The following FER1L6 variants were observed in gnomAD, a reference collection of about 807,000 sequenced individuals.
FER1L6 encodes the protein fer-1-like protein 6.
FER1L6 carries 177 observed loss-of-function variants against 219.2 expected under a neutral mutation model. That is an observed-to-expected ratio of 0.81 (90% CI 0.71 to 0.91). The LOEUF (loss-of-function observed/expected upper bound fraction) is 0.91. Among genes scored for constraint, FER1L6 ranks in the 40% least tolerant of loss-of-function variants. FER1L6 has a pLI of 0.00. For synonymous variants in FER1L6, 768 were observed against 824.3 expected (o/e 0.93, Z 1.17); for missense variants, 2,153 against 2,259.9 (o/e 0.95, Z 0.96).
intron 30 of FER1L6, 140 bp downstream of exon 30, chr8:124,070,738 T>C: frequency 1.4e-6 from 1 of 694,426 alleles, no homozygotes; most frequent in Non-Finnish European, 2.2e-6. Context: ...TCTCTAGAAC[T>C]CCACAAAACC....
At chr8:123,940,559 A>G (rs962640874) in intron 1 of FER1L6, among the ~76,000 whole-genome samples, 2 of 151,986 alleles carry the variant, frequency 1.3e-5, no homozygotes, top group African/African-American at 4.8e-5. Flanking sequence ...GCTGGTCTTG[A>G]CCTCCTGGCC....
chr8:124,023,702 C>A, intron 18 of FER1L6, 106 bp downstream of exon 18: 1 of 1,224,962 alleles, frequency 8.2e-7, no homozygotes, highest in Non-Finnish European at 1.1e-6. Context: ...CCAGTGCTTT[C>A]AAAGGTAGGA....
chr8:123,901,928 G>C lies in FER1L6; in HGVS notation c.-8+49743G>C, dbSNP rs1242977810. Among the ~76,000 whole-genome samples, 3 of 151,938 alleles carry C rather than the reference G, an allele frequency of 2.0e-5. No homozygotes were observed. In the East Asian group the frequency reaches 5.8e-4, roughly 29 times the overall value. ...GTAGAGATGGGGTTTCACCATGTTA[G>C]CCAGGAGGGTCTCAATCTCCAGACT... On this transcript the variant is annotated intron_variant, in intron 1 of 40. Transcript: ENST00000522917.
chr8:124,029,622 T>A (rs1179838988), intron 18 of FER1L6, among the ~76,000 whole-genome samples: 1 of 152,214 alleles, frequency 6.6e-6, no homozygotes, highest in Non-Finnish European at 1.5e-5. Context: ...GTTGTTTTTT[T>A]CTTGTAAATT....
intron 1 of FER1L6, among the ~76,000 whole-genome samples, chr8:123,867,139 T>C (rs989379667): frequency 1.3e-5 from 2 of 152,234 alleles, no homozygotes; most frequent in Non-Finnish European, 2.9e-5. Context: ...AAGTGTTGCC[T>C]AGACCAATGT....
chr8:124,099,773 C>T (rs1822474546), intron 37 of FER1L6, among the ~76,000 whole-genome samples: 1 of 152,098 alleles, frequency 6.6e-6, no homozygotes, highest in Non-Finnish European at 1.5e-5. Context: ...ATAACTAGCC[C>T]CTGCCTCTCT....
intron 18 of FER1L6, among the ~76,000 whole-genome samples, chr8:124,032,759 T>C (rs1028368368): frequency 6.6e-6 from 1 of 151,848 alleles, no homozygotes; most frequent in South Asian, 2.1e-4. Context: ...GGGAGGGGGA[T>C]AAAAAGAAAA....
intron 1 of FER1L6, among the ~76,000 whole-genome samples, chr8:123,857,875 G>A (rs1178969626): frequency 1.3e-5 from 2 of 152,210 alleles, no homozygotes; most frequent in Admixed American, 6.5e-5. Context: ...GTTCACGTCT[G>A]TTCTCAAGCT....
chr8:123,858,934 A>T (rs1170607591), intron 1 of FER1L6, among the ~76,000 whole-genome samples: 3 of 152,234 alleles, frequency 2.0e-5, no homozygotes, highest in African/African-American at 4.8e-5. Context: ...AAATGTTTTT[A>T]AAAAATTTTA....
At chr8:124,044,150 G>A (rs560100252) in intron 20 of FER1L6, among the ~76,000 whole-genome samples, 1 of 152,202 alleles carries the variant, frequency 6.6e-6, no homozygotes, top group African/African-American at 2.4e-5. Context: ...GTATTACGCT[G>A]TCAAGTGCAT....
rs1389921153 is a variant in FER1L6, at chr8:124,066,605, C to T, written c.3678+55C>T. The T allele has an allele frequency of 4.4e-6, 7 of 1,592,706 alleles. No individual in the cohort carries two copies. In the East Asian group the frequency reaches 6.7e-5, roughly 15 times the overall value. On this transcript the variant is annotated intron_variant, in intron 27 of 40. Coordinates refer to ENST00000522917, the MANE Select transcript of FER1L6 (RefSeq NM_001039112.2). Reference sequence around the variant, plus strand: ...GAGATTCAATAAGGAAACACAGCACCTTCTCCTACCCTAAGTCCTACATAA... The same window carrying T: ...GAGATTCAATAAGGAAACACAGCACTTTCTCCTACCCTAAGTCCTACATAA...
chr8:124,027,917 CA>C (rs954995620), intron 18 of FER1L6, among the ~76,000 whole-genome samples: 1 of 152,138 alleles, frequency 6.6e-6, no homozygotes, highest in Non-Finnish European at 1.5e-5. Context: ...CAAAGTTTTT[CA>C]CCCAAGTCAT....
At chr8:123,974,659 C>CAAAAAAAAAAAAAAAAAAAAGAAAAAAA (rs1815975781) in intron 7 of FER1L6, among the ~76,000 whole-genome samples, 1 of 47,802 alleles carries the variant, frequency 2.1e-5, no homozygotes, top group Non-Finnish European at 4.5e-5. Flanking sequence ...GACTCTGTCT[C>CAAAAAAAAAAAAAAAAAAAAGAAAAAAA]AAAAAAAAAA....
intron 1 of FER1L6, among the ~76,000 whole-genome samples, chr8:123,877,943 G>T (rs1272515997): frequency 6.6e-6 from 1 of 152,096 alleles, no homozygotes; most frequent in African/African-American, 2.4e-5. Context: ...AAGGGGTGAG[G>T]GTTGGGGAGA....
chr8:123,989,136 G>A (rs36045120), intron 12 of FER1L6, among the ~76,000 whole-genome samples: 21,139 of 152,018 alleles, frequency 0.14, 1,818 homozygotes, highest in African/African-American at 0.24. Context: ...ATTGATTTGC[G>A]TACATTGAAC....
At chr8:123,929,712 T>C (rs970408020) in intron 1 of FER1L6, among the ~76,000 whole-genome samples, 2 of 152,128 alleles carry the variant, frequency 1.3e-5, no homozygotes, top group Non-Finnish European at 2.9e-5. Context: ...AGGGAAGACA[T>C]CAGGGTACAT....
chr8:123,978,752 A>T (rs1816201227), intron 10 of FER1L6, among the ~76,000 whole-genome samples: 1 of 152,210 alleles, frequency 6.6e-6, no homozygotes, highest in Non-Finnish European at 1.5e-5. Flanking sequence ...GACTAAAGGC[A>T]TGTCAAGAGC....
At chr8:124,097,198 C>A in intron 35 of FER1L6, 73 bp from the exon 36 acceptor site, 2 of 1,095,378 alleles carry the variant, frequency 1.8e-6, no homozygotes, top group South Asian at 1.4e-5. Flanking sequence ...TCTTATAAAA[C>A]CATGAATTAT....
intron 22 of FER1L6, among the ~76,000 whole-genome samples, chr8:124,054,447 T>G (rs1269394602): frequency 6.6e-6 from 1 of 152,216 alleles, no homozygotes; most frequent in East Asian, 1.9e-4. Context: ...AACTTCTTTT[T>G]CAAAACTTGA....
Sources: gnomAD v4.1 joint callset for allele counts (sites outside exome capture counted in the v4.1 genomes callset) on GRCh38, gnomAD v4.1.1 for gene constraint, MANE v1.5 for transcripts, NCBI Gene and HGNC (gene_info 2026-07-23, HGNC 2026-07-21) for gene names.